Variants in FARS2 observed in about 807,000 individuals in gnomAD.
The protein encoded by FARS2 is phenylalanine--tRNA ligase, mitochondrial.
In FARS2, 40 loss-of-function variants were observed where a neutral mutation model predicts 46.4. The observed-to-expected ratio is 0.86, with a 90% CI of 0.67 to 1.12. The LOEUF (loss-of-function observed/expected upper bound fraction) is 1.12, where lower values mean the gene tolerates loss of function less well. Among genes scored for constraint, FARS2 ranks in the 50% most tolerant of loss-of-function variants. The pLI is 0.00. For synonymous variants in FARS2, 234 were observed against 214.9 expected (o/e 1.09, Z -0.78); for missense variants, 513 against 567.9 (o/e 0.90, Z 0.98).
intron 2 of FARS2, among the ~76,000 whole-genome samples, chr6:5,376,884 A>T (rs1182870812): frequency 6.6e-6 from 1 of 152,228 alleles, no homozygotes; most frequent in Non-Finnish European, 1.5e-5. Flanking sequence ...AGATGTGAAA[A>T]AATATATGGA....
At chr6:5,438,384 A>G (rs991408428) in intron 4 of FARS2, among the ~76,000 whole-genome samples, 5 of 148,060 alleles carry the variant, frequency 3.4e-5, no homozygotes, top group Admixed American at 1.3e-4. Flanking sequence ...TTTTTTTTTA[A>G]TCTTTGTCTT....
At chr6:5,501,395 A>G (rs1367223199) in intron 4 of FARS2, among the ~76,000 whole-genome samples, 1 of 152,174 alleles carries the variant, frequency 6.6e-6, no homozygotes, top group African/African-American at 2.4e-5. Flanking sequence ...CTGATAGGTG[A>G]CTACACAGCT....
intron 6 of FARS2, among the ~76,000 whole-genome samples, chr6:5,626,201 G>T (rs1164310458): frequency 1.3e-5 from 2 of 152,094 alleles, no homozygotes; most frequent in Non-Finnish European, 2.9e-5. Context: ...TCAAGGAAAA[G>T]GCACTCATCA....
intron 2 of FARS2, among the ~76,000 whole-genome samples, chr6:5,389,506 C>T (rs1431811110): frequency 6.6e-6 from 1 of 152,204 alleles, no homozygotes; most frequent in African/African-American, 2.4e-5. Flanking sequence ...GTCATCTCTT[C>T]ACTGCTCAAG....
intron 1 of FARS2, among the ~76,000 whole-genome samples, chr6:5,323,078 G>A (rs1770099716): frequency 6.6e-6 from 1 of 152,012 alleles, no homozygotes; most frequent in Non-Finnish European, 1.5e-5. Context: ...GTGTTTTCAG[G>A]TTTTAATCAT....
chr6:5,457,841 G>A (rs768498370), intron 4 of FARS2: 3 of 152,206 alleles, frequency 2.0e-5, no homozygotes, highest in Non-Finnish European at 4.4e-5. Flanking sequence ...CAATAGAAGA[G>A]CATTGTAATA....
intron 4 of FARS2, among the ~76,000 whole-genome samples, chr6:5,498,184 A>AT (rs1333923903): frequency 1.1e-4 from 16 of 152,012 alleles, no homozygotes; most frequent in African/African-American, 3.4e-4. Flanking sequence ...AATGATTAAA[A>AT]TTTTTTTTCA....
At chr6:5,647,119 G>A (rs1301922464) in intron 6 of FARS2, among the ~76,000 whole-genome samples, 1 of 152,178 alleles carries the variant, frequency 6.6e-6, no homozygotes, top group Non-Finnish European at 1.5e-5. Flanking sequence ...AACGGTAAAG[G>A]TAGAATTGTC....
chr6:5,595,663 T>C (rs1476590949), intron 5 of FARS2, among the ~76,000 whole-genome samples: 5 of 152,118 alleles, frequency 3.3e-5, no homozygotes, highest in South Asian at 2.1e-4. Context: ...TTGCCACAGC[T>C]TGAGGAGGTG....
At chr6:5,439,192 C>T (rs543870075) in intron 4 of FARS2, among the ~76,000 whole-genome samples, 1 of 152,298 alleles carries the variant, frequency 6.6e-6, no homozygotes, top group African/African-American at 2.4e-5. Context: ...TCAGTTTTCT[C>T]AGCCTTTTCT....
intron 1 of FARS2, among the ~76,000 whole-genome samples, chr6:5,366,120 G>A (rs536622127): frequency 6.6e-5 from 10 of 152,216 alleles, no homozygotes; most frequent in African/African-American, 2.2e-4. Flanking sequence ...GTTGTTTGAG[G>A]GTCAGCTATA....
At chr6:5,641,302 AT>A (rs1336453804) in intron 6 of FARS2, among the ~76,000 whole-genome samples, 1 of 151,488 alleles carries the variant, frequency 6.6e-6, no homozygotes, top group African/African-American at 2.4e-5. Context: ...ATTTTATTTT[AT>A]TTTATTTTTT....
At position 5,617,207 on chromosome 6, in the gene FARS2, A is replaced by T. The variant is rs536325478; in HGVS notation, c.1217+3887A>T. 2.8e-3 allele frequency among the ~76,000 whole-genome samples: 424 copies of T among 152,362 alleles called. 4 individuals are homozygous for T. Among genetic ancestry groups the T allele is most frequent in the African/African-American group, 9.0e-3 (375 of 41,584 alleles). ...AATGCAGGTATACACACACAACCCC[A>T]TACTGACCTGCTAAAAGGTGAACTT... On this transcript the variant is annotated intron_variant, in intron 6 of 6. Transcript: ENST00000274680.
intron 4 of FARS2, among the ~76,000 whole-genome samples, chr6:5,449,928 C>G (rs539205550): frequency 6.6e-6 from 1 of 152,298 alleles, no homozygotes; most frequent in African/African-American, 2.4e-5. Context: ...GGGATTGATT[C>G]CAGGACTCCT....
intron 1 of FARS2, among the ~76,000 whole-genome samples, chr6:5,285,411 A>G (rs1395955120): frequency 6.6e-6 from 1 of 152,062 alleles, no homozygotes; most frequent in Non-Finnish European, 1.5e-5. Context: ...TCTTGAGGAG[A>G]ATAGACATTT....
At chr6:5,599,446 CTAGT>C (rs1774384846) in intron 5 of FARS2, among the ~76,000 whole-genome samples, 1 of 152,104 alleles carries the variant, frequency 6.6e-6, no homozygotes, top group South Asian at 2.1e-4. Flanking sequence ...TCCAGAAAGA[CTAGT>C]TATTTAACCG....
chr6:5,753,993 A>G (rs1200420941), intron 6 of FARS2, among the ~76,000 whole-genome samples: 1 of 152,226 alleles, frequency 6.6e-6, no homozygotes, highest in Non-Finnish European at 1.5e-5. Context: ...TTTTTAAGTA[A>G]CACCAGGGAC....
At chr6:5,501,027 G>C (rs1038530656) in intron 4 of FARS2, among the ~76,000 whole-genome samples, 1 of 151,768 alleles carries the variant, frequency 6.6e-6, no homozygotes, top group South Asian at 2.1e-4. Context: ...AGGGAATGCA[G>C]TGATTAACAA....
At chr6:5,280,758 G>A (rs1360086024) in intron 1 of FARS2, among the ~76,000 whole-genome samples, 1 of 151,454 alleles carries the variant, frequency 6.6e-6, no homozygotes, top group Non-Finnish European at 1.5e-5. Context: ...ATTCCTACTT[G>A]AGTTGTTAGG....
Sources: allele counts gnomAD v4.1 joint callset (sites outside exome capture counted in the v4.1 genomes callset), GRCh38; gene constraint gnomAD v4.1.1; transcripts MANE v1.5; gene names NCBI Gene and HGNC (gene_info 2026-07-23, HGNC 2026-07-21).